ADGRL3: variants seen among roughly 807,000 people sequenced by gnomAD.
ADGRL3 encodes calcium-independent alpha-latrotoxin receptor 3.
ADGRL3 carries 62 observed loss-of-function variants against 153.5 expected under a neutral mutation model. That is an observed-to-expected ratio of 0.40 (90% CI 0.33 to 0.50). ADGRL3 has a LOEUF of 0.50. ADGRL3 is among the 20% of genes least tolerant of loss of function. ADGRL3 has a pLI of 0.47. For synonymous variants in ADGRL3, 710 were observed against 672.5 expected (o/e 1.06, Z -0.86); for missense variants, 1,641 against 1,859.4 (o/e 0.88, Z 2.16).
rs562811561 is a variant in ADGRL3 at position 61,368,319 on chromosome 4, T to A, written c.-239-14805T>A. Among the ~76,000 whole-genome samples, 454 of 152,326 alleles carry A rather than the reference T, an allele frequency of 3.0e-3. 4 individuals are homozygous for A. The highest frequency in any genetic ancestry group is 0.011 in the African/African-American group (438 of 41,566). On this transcript the variant is annotated intron_variant, in intron 1 of 26. Coordinates refer to ENST00000683033, the MANE Select transcript of ADGRL3 (RefSeq NM_001387552.1). ...TCCTTGCCCATGCCTATGTCCTGAA[T>A]GGTAATGCCTAGGTTTTCTTCTAGG...
chr4:61,515,929 G>T (rs1286862944), intron 3 of ADGRL3, among the ~76,000 whole-genome samples: 1 of 152,082 alleles, frequency 6.6e-6, no homozygotes, highest in Non-Finnish European at 1.5e-5. Context: ...CAGCTTTTTG[G>T]TCTTGAAACT....
chr4:62,070,176 C>G lies in ADGRL3; in HGVS notation c.3900C>G (p.Gly1300=), dbSNP rs1221158753. The G allele has an allele frequency of 1.2e-6, 2 of 1,613,836 alleles. No individual in the cohort carries two copies. Among genetic ancestry groups the G allele is most frequent in the African/African-American group, 2.7e-5 (2 of 74,850 alleles). ...MDTLPLNGNH[G]NSYSIASGEY... ...CTCTACCACTGAATGGTAACCATGG[C>G]AATAGTTACAGCATTGCCAGCGGCG... Residue 1300 remains glycine (G), a synonymous_variant, in exon 27 of 27, where the codon GGC becomes GGG. Coordinates refer to ENST00000683033, the MANE Select transcript of ADGRL3 (RefSeq NM_001387552.1).
chr4:62,030,011 G>A (rs371453884), intron 22 of ADGRL3, among the ~76,000 whole-genome samples: 2 of 151,378 alleles, frequency 1.3e-5, no homozygotes, highest in Non-Finnish European at 3.0e-5. Flanking sequence ...ATATGTAATA[G>A]CAAAACTCCC....
chr4:61,428,899 A>ATCTG, intron 2 of ADGRL3, among the ~76,000 whole-genome samples: 1 of 76,396 alleles, frequency 1.3e-5, no homozygotes, highest in African/African-American at 6.1e-5. Flanking sequence ...TATATCATCT[A>ATCTG]TCTATCTATC....
intron 6 of ADGRL3, among the ~76,000 whole-genome samples, chr4:61,695,299 C>T (rs2095620346): frequency 6.6e-6 from 1 of 152,126 alleles, no homozygotes; most frequent in Non-Finnish European, 1.5e-5. Context: ...ACGCTTTGGT[C>T]CATGGGCTAC....
At chr4:62,044,838 C>T (rs1321466103) in intron 25 of ADGRL3, among the ~76,000 whole-genome samples, 1 of 152,002 alleles carries the variant, frequency 6.6e-6, no homozygotes, top group East Asian at 1.9e-4. Flanking sequence ...TCATTGGAAG[C>T]AGTGAAAATG....
intron 17 of ADGRL3, among the ~76,000 whole-genome samples, chr4:61,955,814 G>A (rs549334507): frequency 7.9e-4 from 120 of 152,178 alleles, no homozygotes; most frequent in African/African-American, 2.6e-3. Context: ...GTATTAGTTT[G>A]CTGAGGGTGA....
At chr4:61,774,498 A>G (rs2097124985) in intron 8 of ADGRL3, among the ~76,000 whole-genome samples, 1 of 152,072 alleles carries the variant, frequency 6.6e-6, no homozygotes, top group Non-Finnish European at 1.5e-5. Flanking sequence ...TGTATTAGTG[A>G]TTATAAGTAA....
chr4:61,551,299 T>G (rs2098739411), intron 4 of ADGRL3, among the ~76,000 whole-genome samples: 1 of 152,124 alleles, frequency 6.6e-6, no homozygotes, highest in Non-Finnish European at 1.5e-5. Flanking sequence ...ATATAAAAGT[T>G]TTGTAGTCAG....
intron 8 of ADGRL3, among the ~76,000 whole-genome samples, chr4:61,801,249 A>T (rs1047824401): frequency 6.6e-6 from 1 of 152,068 alleles, no homozygotes; most frequent in East Asian, 1.9e-4. Context: ...GCAATGGATA[A>T]TGGCTTTTGG....
At chr4:61,370,385 C>T (rs892981530) in intron 1 of ADGRL3, among the ~76,000 whole-genome samples, 2 of 151,438 alleles carry the variant, frequency 1.3e-5, no homozygotes, top group African/African-American at 4.9e-5. Context: ...AAATTTCCGT[C>T]TACACACTGC....
chr4:62,012,353 G>A (rs1386029620), intron 21 of ADGRL3, among the ~76,000 whole-genome samples: 1 of 152,174 alleles, frequency 6.6e-6, no homozygotes, highest in Non-Finnish European at 1.5e-5. Flanking sequence ...TTTGGAAAAT[G>A]TGTGCAAAAT....
intron 6 of ADGRL3, among the ~76,000 whole-genome samples, chr4:61,690,694 G>T (rs190023626): frequency 7.2e-4 from 109 of 152,076 alleles, no homozygotes; most frequent in African/African-American, 2.5e-3. Flanking sequence ...TTTCTACAAG[G>T]CTTCCTTTTT....
rs1175470153 is a variant in ADGRL3 at position 61,298,895 on chromosome 4, A to T, written c.-239-84229A>T. Reference sequence around the variant, plus strand: ...CAAGTGATTTATTAGAGGCTACGATAACTTAATCAAATGTTGGCTTTTCAT... The same window carrying T: ...CAAGTGATTTATTAGAGGCTACGATTACTTAATCAAATGTTGGCTTTTCAT... On this transcript the variant is annotated intron_variant, in intron 1 of 26. Transcript: ENST00000683033. 2.0e-5 allele frequency among the ~76,000 whole-genome samples: 3 copies of T among 152,188 alleles called. No homozygotes were observed. The East Asian group carries it at 5.8e-4, about 29-fold the overall frequency.
At chr4:61,536,650 C>CT (rs1354362111) in intron 4 of ADGRL3, among the ~76,000 whole-genome samples, 1 of 151,838 alleles carries the variant, frequency 6.6e-6, no homozygotes, top group East Asian at 1.9e-4. Flanking sequence ...CTTTCTTTGT[C>CT]TTTTTTTAGT....
At chr4:61,336,038 CAT>C (rs1469729433) in intron 1 of ADGRL3, among the ~76,000 whole-genome samples, 10 of 151,820 alleles carry the variant, frequency 6.6e-5, no homozygotes, top group Admixed American at 6.6e-4. Context: ...TCAAGGAAGT[CAT>C]ATATATATGG....
At chr4:61,429,446 G>A (rs1251213271) in intron 2 of ADGRL3, among the ~76,000 whole-genome samples, 1 of 152,090 alleles carries the variant, frequency 6.6e-6, no homozygotes, top group Non-Finnish European at 1.5e-5. Context: ...TCATCAGTAT[G>A]TGAATTCATG....
At chr4:61,245,605 A>G (rs542830335) in intron 1 of ADGRL3, among the ~76,000 whole-genome samples, 1 of 152,236 alleles carries the variant, frequency 6.6e-6, no homozygotes, top group South Asian at 2.1e-4. Flanking sequence ...TGTCTTGCCC[A>G]GTACTTGGCA....
intron 8 of ADGRL3, among the ~76,000 whole-genome samples, chr4:61,775,222 CTTT>C (rs200429980): frequency 1.4e-5 from 2 of 139,168 alleles, no homozygotes; most frequent in Non-Finnish European, 1.6e-5. Flanking sequence ...CCTATGACAG[CTTT>C]TTTTTTTTTT....
Sources: allele counts gnomAD v4.1 joint callset (sites outside exome capture counted in the v4.1 genomes callset), GRCh38; gene constraint gnomAD v4.1.1; transcripts MANE v1.5; gene names NCBI Gene and HGNC (gene_info 2026-07-23, HGNC 2026-07-21).